The following CTNNA3 variants were observed in gnomAD, a reference collection of about 807,000 sequenced individuals.
CTNNA3 encodes catenin alpha-3.
A neutral mutation model predicts 95.7 loss-of-function variants in CTNNA3; 76 were observed. The observed-to-expected ratio is 0.79, with a 90% CI of 0.66 to 0.96. The LOEUF (loss-of-function observed/expected upper bound fraction) is 0.96. Ranked by LOEUF, CTNNA3 falls within the 40% of genes least tolerant of loss-of-function variation. The pLI is 0.00. For synonymous variants in CTNNA3, 431 were observed against 374.4 expected, an observed-to-expected ratio of 1.15 and a Z score of -1.74; for missense variants, 1,191 against 1,089.8, an observed-to-expected ratio of 1.09 and a Z score of -1.31.
intron 16 of CTNNA3, among the ~76,000 whole-genome samples, chr10:65,976,090 T>C (rs545438666): frequency 6.6e-6 from 1 of 152,258 alleles, no homozygotes; most frequent in African/African-American, 2.4e-5. Flanking sequence ...CACTTGCCAA[T>C]AAATGGTATT....
chr10:66,823,092 C>A (rs1365003494), intron 7 of CTNNA3, among the ~76,000 whole-genome samples: 3 of 152,156 alleles, frequency 2.0e-5, no homozygotes, highest in Admixed American at 2.0e-4. Flanking sequence ...TAGCACAGTC[C>A]CAGACCAGTC....
At chr10:67,706,687 A>G (rs1166207400) in intron 1 of CTNNA3, among the ~76,000 whole-genome samples, 1 of 152,142 alleles carries the variant, frequency 6.6e-6, no homozygotes, top group Admixed American at 6.5e-5. Context: ...AATGGCAGGC[A>G]CCCACCTGAT....
At chr10:66,294,487 G>C (rs552961503) in intron 12 of CTNNA3, among the ~76,000 whole-genome samples, 2 of 152,238 alleles carry the variant, frequency 1.3e-5, no homozygotes, top group South Asian at 4.1e-4. Flanking sequence ...TAAAAAGACT[G>C]GAAATCATTG....
intron 12 of CTNNA3, among the ~76,000 whole-genome samples, chr10:66,322,617 T>C (rs2092204630): frequency 6.6e-6 from 1 of 152,076 alleles, no homozygotes; most frequent in Non-Finnish European, 1.5e-5. Flanking sequence ...CACAAAGCCT[T>C]GCAAAACAAA....
intron 5 of CTNNA3, among the ~76,000 whole-genome samples, chr10:67,479,897 A>G (rs1354288059): frequency 6.6e-6 from 1 of 152,168 alleles, no homozygotes; most frequent in Non-Finnish European, 1.5e-5. Flanking sequence ...CCAAAATGAC[A>G]AAGATGACAT....
At chr10:65,991,634 T>C (rs1024032868) in intron 15 of CTNNA3, among the ~76,000 whole-genome samples, 2 of 152,052 alleles carry the variant, frequency 1.3e-5, no homozygotes, top group Admixed American at 6.6e-5. Flanking sequence ...ATTTTTCAAA[T>C]CTAAGAGTGT....
At chr10:67,744,800 T>G (rs1391528105) in intron 1 of CTNNA3, among the ~76,000 whole-genome samples, 2 of 151,696 alleles carry the variant, frequency 1.3e-5, no homozygotes, top group East Asian at 1.9e-4. Flanking sequence ...TCAAACAAAT[T>G]TACAAGAAAA....
At chr10:66,747,154 T>C (rs1364547385) in intron 9 of CTNNA3, among the ~76,000 whole-genome samples, 1 of 152,244 alleles carries the variant, frequency 6.6e-6, no homozygotes, top group Non-Finnish European at 1.5e-5. Flanking sequence ...GTTTTGACTT[T>C]ATTTCACTTA....
At chr10:67,729,078 T>A (rs376878510) in intron 1 of CTNNA3, among the ~76,000 whole-genome samples, 2 of 152,176 alleles carry the variant, frequency 1.3e-5, no homozygotes, top group South Asian at 2.1e-4. Flanking sequence ...CTTTTAATTT[T>A]TAAAATATTT....
At chr10:66,886,200 C>G (rs1845036494) in intron 7 of CTNNA3, among the ~76,000 whole-genome samples, 1 of 152,054 alleles carries the variant, frequency 6.6e-6, no homozygotes, top group Non-Finnish European at 1.5e-5. Context: ...GGAGAATGCT[C>G]TGGAATCATT....
chr10:66,364,197 T>C (rs889240959), intron 12 of CTNNA3, among the ~76,000 whole-genome samples: 1 of 145,644 alleles, frequency 6.9e-6, no homozygotes, highest in South Asian at 2.1e-4. Context: ...TAGCAAATAA[T>C]TAATTTCAAC....
At chr10:65,941,044 C>T (rs1386756854) in intron 17 of CTNNA3, among the ~76,000 whole-genome samples, 1 of 152,190 alleles carries the variant, frequency 6.6e-6, no homozygotes, top group African/African-American at 2.4e-5. Context: ...CTTATCCTTT[C>T]CAAGACCACA....
chr10:67,750,941 G>C, intron 1 of CTNNA3: 3 of 1,608,950 alleles, frequency 1.9e-6, no homozygotes, highest in Non-Finnish European at 2.6e-6. Context: ...GATAGACTTT[G>C]GGCCAAGCCA....
At chr10:66,443,694 CA>C (rs1182412860) in intron 11 of CTNNA3, among the ~76,000 whole-genome samples, 1 of 151,932 alleles carries the variant, frequency 6.6e-6, no homozygotes, top group Non-Finnish European at 1.5e-5. Flanking sequence ...CATCAAAGAC[CA>C]AAAGTAGATA....
chr10:66,785,548 A>T (rs1258018120), intron 7 of CTNNA3, among the ~76,000 whole-genome samples: 1 of 152,042 alleles, frequency 6.6e-6, no homozygotes, highest in Non-Finnish European at 1.5e-5. Context: ...AGACATCAGG[A>T]CTTATGCCAG....
In CTNNA3 at chr10:65,920,066, G is replaced by T. The variant is rs1366417255; in HGVS notation, c.*264C>A. On this transcript the variant is annotated 3_prime_UTR_variant, in exon 18 of 18. Coordinates refer to ENST00000433211, the MANE Select transcript of CTNNA3 (RefSeq NM_013266.4). ...GTAACGAATAGTAGATAATCTCTAT[G>T]ATGGGAAACGCTGAATGACACGTGA... The T allele has an allele frequency of 4.2e-6, 2 of 474,328 alleles. No individual in the cohort carries two copies. Among genetic ancestry groups the T allele is most frequent in the Admixed American group, 7.5e-5 (2 of 26,540 alleles). The allele number at this position is 474,328 out of a possible 1,614,324, so 29.4% of individuals were successfully genotyped here. A position where few individuals can be genotyped will look rare whatever the true frequency, so the allele number is the denominator to read the frequency against.
chr10:66,403,634 C>T (rs926025834), intron 11 of CTNNA3, among the ~76,000 whole-genome samples: 2 of 152,094 alleles, frequency 1.3e-5, no homozygotes, highest in Admixed American at 6.6e-5. Flanking sequence ...TGGGGGGAGA[C>T]GAGCCAAACC....
chr10:67,362,846 A>T (rs1342836290), intron 5 of CTNNA3, among the ~76,000 whole-genome samples: 1 of 152,118 alleles, frequency 6.6e-6, no homozygotes, highest in African/African-American at 2.4e-5. Flanking sequence ...ATGATTCTAT[A>T]CTTAGAAAAC....
In CTNNA3 at chr10:66,456,985, T is replaced by G. The variant is rs187582974; in HGVS notation, c.1531+63632A>C. 4.0e-3 allele frequency among the ~76,000 whole-genome samples: 604 copies of G among 152,098 alleles called. 11 individuals are homozygous for G. The highest frequency in any genetic ancestry group is 0.014 in the African/African-American group (589 of 41,488). ...GGCATGCACTGGTAGTCCCAGCTACTTGGGAGGCTGAGGTGGGAGGATCTC... is the reference window on the plus strand; with the variant it reads ...GGCATGCACTGGTAGTCCCAGCTACGTGGGAGGCTGAGGTGGGAGGATCTC... On this transcript the variant is annotated intron_variant, in intron 11 of 17. Coordinates refer to ENST00000433211, the MANE Select transcript of CTNNA3 (RefSeq NM_013266.4).
Sources: allele counts gnomAD v4.1 joint callset (sites outside exome capture counted in the v4.1 genomes callset), GRCh38; gene constraint gnomAD v4.1.1; transcripts MANE v1.5; gene names NCBI Gene and HGNC (gene_info 2026-07-23, HGNC 2026-07-21).